Variants in AKAP9 observed in about 807,000 individuals in gnomAD.
AKAP9 encodes A-kinase anchor protein 9.
Under a neutral mutation model 488.5 loss-of-function variants are expected in AKAP9, and 311 were observed. The observed-to-expected ratio is 0.64, with a 90% CI of 0.58 to 0.70. The LOEUF (loss-of-function observed/expected upper bound fraction) is 0.70. Ranked by LOEUF, AKAP9 falls within the 30% of genes least tolerant of loss-of-function variation. AKAP9 has a pLI of 0.00. For missense variants in AKAP9, 4,215 were observed against 4,374.5 expected (o/e 0.96, Z 1.03); for synonymous variants, 1,462 against 1,483.5 (o/e 0.99, Z 0.33).
chr7:92,037,711 C>A (rs1805422333), intron 16 of AKAP9, among the ~76,000 whole-genome samples: 1 of 152,038 alleles, frequency 6.6e-6, no homozygotes, highest in Admixed American at 6.5e-5. Flanking sequence ...CTCATATTTA[C>A]CAGTCATACA....
At chr7:91,981,295 A>AT (rs1176851683) in intron 3 of AKAP9, among the ~76,000 whole-genome samples, 15 of 152,338 alleles carry the variant, frequency 9.8e-5, no homozygotes, top group African/African-American at 3.4e-4. Flanking sequence ...ATTTGAGGGT[A>AT]TGACCAACCA....
At chr7:91,962,148 A>C (rs1032140265) in intron 1 of AKAP9, among the ~76,000 whole-genome samples, 1 of 152,206 alleles carries the variant, frequency 6.6e-6, no homozygotes, top group Non-Finnish European at 1.5e-5. Flanking sequence ...TGATTACCTA[A>C]TTGAGTAGAA....
chr7:92,087,017 A>G (rs1814677791), intron 37 of AKAP9, among the ~76,000 whole-genome samples: 1 of 152,208 alleles, frequency 6.6e-6, no homozygotes, highest in African/African-American at 2.4e-5. Flanking sequence ...AAACAGTGAA[A>G]TCACAAATAA....
In AKAP9 at chr7:92,006,712, GT is replaced by G. The variant is rs1156535816; in HGVS notation, c.3318+3478del. On this transcript the variant is annotated intron_variant, in intron 8 of 49. Transcript: ENST00000356239. ...ACACAGATATCTCTAATACACTTAG[GT>G]AGTTTGGGCAGAAGGAGAAAAATAA... Among the ~76,000 whole-genome samples the G allele has an allele frequency of 5.3e-5, 8 of 152,286 alleles. No individual in the cohort carries two copies. In the East Asian group the frequency reaches 1.5e-3, roughly 29 times the overall value.
At position 92,086,548 on chromosome 7, in the gene AKAP9, G is replaced by A. The variant is rs577039873; in HGVS notation, c.9213+132G>A. 7 of 723,388 alleles carry A rather than the reference G, an allele frequency of 9.7e-6. No individual in the cohort carries two copies. In the African/African-American group the frequency reaches 1.2e-4, roughly 13 times the overall value. The allele number at this position is 723,388 out of a possible 1,614,324, so 44.8% of individuals were successfully genotyped here. Reference sequence around the variant, plus strand: ...CTATGAATATTTTAAAAAAATTATTGTAACTATTTTAACGTATTATGTTAG... The same window carrying A: ...CTATGAATATTTTAAAAAAATTATTATAACTATTTTAACGTATTATGTTAG... On this transcript the variant is annotated intron_variant, in intron 37 of 49. Transcript: ENST00000356239.
chr7:92,038,760 A>G lies in AKAP9; in HGVS notation c.4680A>G (p.Ile1560Met). 3.1e-6 allele frequency: 5 copies of G among 1,601,434 alleles called. No individual in the cohort carries two copies. The highest frequency in any genetic ancestry group is 1.1e-5 in the South Asian group (1 of 89,168). ...EEMFSKDKTF[I>M]VRQSIHDEIS... ...TGTTCTCCAAAGATAAAACATTTAT[A>G]GTTAGACAGTCTGTAAGTATGCCTC... Residue 1560 changes from isoleucine to methionine, a missense_variant, in exon 17 of 50, where the codon ATA becomes ATG. Coordinates refer to ENST00000356239, the MANE Select transcript of AKAP9 (RefSeq NM_005751.5).
At chr7:92,034,234 C>T (rs1015626589) in intron 16 of AKAP9, among the ~76,000 whole-genome samples, 1 of 152,090 alleles carries the variant, frequency 6.6e-6, no homozygotes, top group African/African-American at 2.4e-5. Flanking sequence ...CTTTAAGACA[C>T]GGTCAGGAGA....
At position 92,059,373 on chromosome 7, in the gene AKAP9, G is replaced by A. The variant is rs376827288; in HGVS notation, c.5602-1887G>A. 5.8e-4 allele frequency among the ~76,000 whole-genome samples: 88 copies of A among 151,882 alleles called. 1 individual carries two copies. The highest frequency in any genetic ancestry group is 2.0e-3 in the African/African-American group (84 of 41,526). On this transcript the variant is annotated intron_variant, in intron 22 of 49. Transcript: ENST00000356239. ...AGGGTGTCTCATCTCCCGATGAAGT[G>A]TGGATCTCATCTGCTATAATAAATG...
intron 16 of AKAP9, among the ~76,000 whole-genome samples, chr7:92,034,521 A>C (rs1804876981): frequency 2.0e-5 from 1 of 49,282 alleles, no homozygotes; most frequent in African/African-American, 8.0e-5. Flanking sequence ...TTTTTTTTTG[A>C]GATGGAGTTT....
intron 12 of AKAP9, 67 bp downstream of exon 12, chr7:92,017,169 C>A: frequency 8.4e-7 from 1 of 1,192,296 alleles, no homozygotes; most frequent in Non-Finnish European, 1.2e-6. Context: ...TTGTAAGCTG[C>A]TTTTATCAAC....
chr7:92,090,080 C>G (rs1815282628), intron 38 of AKAP9: 1 of 152,436 alleles, frequency 6.6e-6, no homozygotes, highest in African/African-American at 2.4e-5. Flanking sequence ...TCTGATTTTT[C>G]TTTAGTTTTA....
At chr7:92,095,344 G>A (rs1816382206) in intron 40 of AKAP9, among the ~76,000 whole-genome samples, 171 bp downstream of exon 40, 1 of 152,188 alleles carries the variant, frequency 6.6e-6, no homozygotes, top group Non-Finnish European at 1.5e-5. Flanking sequence ...TGCTAATGGA[G>A]TGGTGATTGG....
At chr7:92,075,444 A>T (rs755602372) in intron 28 of AKAP9, among the ~76,000 whole-genome samples, 10 of 152,258 alleles carry the variant, frequency 6.6e-5, no homozygotes, top group Non-Finnish European at 1.3e-4. Flanking sequence ...TTCAGTCATT[A>T]AATGTATTTC....
intron 15 of AKAP9, 62 bp from the exon 16 acceptor site, chr7:92,031,450 G>A: frequency 2.5e-6 from 3 of 1,196,592 alleles, no homozygotes; most frequent in Admixed American, 1.7e-5. Context: ...TGAGGTAGAA[G>A]TTTAAAAATA....
Position 92,016,916 on chromosome 7 carries a change from A to G in AKAP9, c.3752-101A>G, listed in dbSNP as rs575775703. 18 of 857,652 alleles carry G rather than the reference A, an allele frequency of 2.1e-5. No homozygotes were observed. The African/African-American group carries it at 2.4e-4, about 11-fold the overall frequency. 53.1% of individuals were successfully genotyped at this position (857,652 alleles called of 1,614,324 possible). On this transcript the variant is annotated intron_variant, in intron 11 of 49. Transcript: ENST00000356239. ...TAAATATCTGAGGTTTACTTCTAGCAGGCAATTTTTTTAAGTTATAAATAG... is the reference window on the plus strand; with the variant it reads ...TAAATATCTGAGGTTTACTTCTAGCGGGCAATTTTTTTAAGTTATAAATAG...
chr7:92,100,368 G>T (rs2130908408), intron 44 of AKAP9, among the ~76,000 whole-genome samples: 1 of 152,286 alleles, frequency 6.6e-6, no homozygotes, highest in South Asian at 2.1e-4. Context: ...TTAAAAACAG[G>T]TATAAAATTA....
intron 22 of AKAP9, among the ~76,000 whole-genome samples, chr7:92,059,636 CA>C (rs768937139): frequency 4.7e-5 from 7 of 149,576 alleles, no homozygotes; most frequent in African/African-American, 7.4e-5. Flanking sequence ...TTAAAAAAGA[CA>C]AAAAAAAGCA....
intron 21 of AKAP9, 90 bp from the exon 22 acceptor site, chr7:92,052,636 G>A: frequency 1.1e-6 from 1 of 891,864 alleles, no homozygotes; most frequent in South Asian, 1.7e-5. Context: ...CAATTTCCAT[G>A]ATTTCCAGTT....
chr7:92,079,145 C>G lies in AKAP9; in HGVS notation c.7012C>G (p.Gln2338Glu). ...CCAAATAGAATGTTTGATGAGTGAT[C>G]AAGAATGTGTGAAGAGAAATAGAGA... ...ETQIECLMSDQECVKRNREEE... is the reference protein window; with the variant it reads ...ETQIECLMSDEECVKRNREEE... The change falls in exon 31 of 50, where the codon CAA becomes GAA. Residue 2338 changes from glutamine (Q) to glutamate (E), a missense_variant. By Grantham distance (29) the Gln-to-Glu change is conservative. Transcript: ENST00000356239. 1 of 1,613,564 alleles carries G rather than the reference C, an allele frequency of 6.2e-7. No homozygotes were observed. The highest frequency in any genetic ancestry group is 8.5e-7 in the Non-Finnish European group (1 of 1,179,830).
Sources: gnomAD v4.1 joint callset for allele counts (sites outside exome capture counted in the v4.1 genomes callset) on GRCh38, gnomAD v4.1.1 for gene constraint, MANE v1.5 for transcripts, NCBI Gene and HGNC (gene_info 2026-07-23, HGNC 2026-07-21) for gene names.